CCND3: variants seen among roughly 807,000 people sequenced by gnomAD.
The protein encoded by CCND3 is cyclin D3.
In CCND3, 9 loss-of-function variants were observed where a neutral mutation model predicts 28.7. The ratio of observed to expected loss-of-function variants is 0.31; its 90% CI spans 0.19 to 0.55. The LOEUF (loss-of-function observed/expected upper bound fraction) is 0.55, where lower values mean the gene tolerates loss of function less well. Ranked by LOEUF, CCND3 falls within the 20% of genes least tolerant of loss-of-function variation. The probability of loss-of-function intolerance (pLI) is 0.93; values close to 1 mark genes in which losing one functional copy is unlikely to be tolerated. For synonymous variants in CCND3, 164 were observed against 163.9 expected, an observed-to-expected ratio of 1.00 and a Z score of 0.00; for missense variants, 315 against 385.8, an observed-to-expected ratio of 0.82 and a Z score of 1.54.
At chr6:41,951,665 G>A (rs1776322042) in intron 1 of CCND3, among the ~76,000 whole-genome samples, 1 of 151,814 alleles carries the variant, frequency 6.6e-6, no homozygotes, top group Non-Finnish European at 1.5e-5. Flanking sequence ...GGAGTAGTAT[G>A]TCCCCAGTGT....
chr6:41,938,176 T>C lies in CCND3; in HGVS notation c.415-782A>G, dbSNP rs1775870410. ...CCTACCCAAGCCTACCTGCCAGTAC[T>C]AGGTCTCGGGAGAAGGCTGGGAGCT... On this transcript the variant is annotated intron_variant, in intron 2 of 4. Coordinates refer to ENST00000372991, the MANE Select transcript of CCND3 (RefSeq NM_001760.5). This position sits in a 1 kb window ranked among gnomAD's most constrained non-coding sequence, Gnocchi z 4.6. 1 of 152,314 alleles carries C rather than the reference T, an allele frequency of 6.6e-6. No homozygotes were observed. The highest frequency in any genetic ancestry group is 2.4e-5 in the African/African-American group (1 of 41,446). 9.4% of individuals were successfully genotyped at this position (152,314 alleles called of 1,614,324 possible). A position where few individuals can be genotyped will look rare whatever the true frequency, so the allele number is the denominator to read the frequency against.
At chr6:41,989,894 T>C (rs1048581221) in intron 1 of CCND3, among the ~76,000 whole-genome samples, 8 of 152,152 alleles carry the variant, frequency 5.3e-5, no homozygotes, top group African/African-American at 1.9e-4. Flanking sequence ...AGTGGCTTTA[T>C]TCATAATTGT....
At chr6:42,001,502 A>G (rs940965281) in intron 1 of CCND3, among the ~76,000 whole-genome samples, 3 of 152,196 alleles carry the variant, frequency 2.0e-5, no homozygotes, top group African/African-American at 7.2e-5. Context: ...TTGATACTGC[A>G]TGATTCTTTT....
intron 1 of CCND3, among the ~76,000 whole-genome samples, chr6:42,026,666 G>A (rs1763884369): frequency 6.6e-6 from 1 of 152,150 alleles, no homozygotes; most frequent in Non-Finnish European, 1.5e-5. Flanking sequence ...GGTACTAGAA[G>A]CTCCACTATG....
intron 1 of CCND3, among the ~76,000 whole-genome samples, chr6:42,003,775 C>CA (rs1031865003): frequency 2.0e-5 from 3 of 150,906 alleles, no homozygotes; most frequent in Non-Finnish European, 3.0e-5. Flanking sequence ...CCCATCTCTA[C>CA]AAAAAACACA....
At chr6:42,030,278 C>T (rs575778987) in intron 1 of CCND3, 1 of 152,326 alleles carries the variant, frequency 6.6e-6, no homozygotes, top group East Asian at 1.9e-4. Flanking sequence ...ACAGAAATAT[C>T]TGCTCCTTCT....
At chr6:41,977,569 G>T (rs11754708) in intron 1 of CCND3, among the ~76,000 whole-genome samples, 6 of 152,054 alleles carry the variant, frequency 3.9e-5, no homozygotes, top group Non-Finnish European at 7.4e-5. Flanking sequence ...GTTTCACCAG[G>T]TTGGCCAGGC....
At chr6:41,964,502 G>A (rs561207393) in intron 1 of CCND3, among the ~76,000 whole-genome samples, 7 of 97,470 alleles carry the variant, frequency 7.2e-5, no homozygotes, top group Non-Finnish European at 1.6e-4. Flanking sequence ...GTGTGTGAGT[G>A]TGTGTGTGTG....
chr6:41,964,467 T>A (rs1761816284), intron 1 of CCND3, among the ~76,000 whole-genome samples: 1 of 131,966 alleles, frequency 7.6e-6, no homozygotes, highest in African/African-American at 3.3e-5. Flanking sequence ...TGTGTGAGTG[T>A]GTGTGTGAGT....
At position 41,935,886 on chromosome 6, in the gene CCND3, G is replaced by A. The variant is rs758167818; in HGVS notation, c.*54C>T. ...TGTGGTTCCTGGAGGCAGGGAGGTG[G>A]GTGGCAGCGGCCCCTCCTCTGCTTA... On this transcript the variant is annotated 3_prime_UTR_variant, in exon 5 of 5. Coordinates refer to ENST00000372991, the MANE Select transcript of CCND3 (RefSeq NM_001760.5). 39 of 1,510,216 alleles carry A rather than the reference G, an allele frequency of 2.6e-5. 1 individual carries two copies. In the South Asian group the frequency reaches 4.5e-4, roughly 17 times the overall value. The allele number at this position is 1,510,216 out of a possible 1,614,324, so 93.6% of individuals were successfully genotyped here. A position where few individuals can be genotyped will look rare whatever the true frequency, so the allele number is the denominator to read the frequency against.
chr6:42,020,299 A>G (rs1186444384), intron 1 of CCND3, among the ~76,000 whole-genome samples: 1 of 152,208 alleles, frequency 6.6e-6, no homozygotes, highest in Non-Finnish European at 1.5e-5. Flanking sequence ...AAGAAAAGAA[A>G]AAAGAAAAAC....
At chr6:42,037,833 C>A (rs946868872) in intron 1 of CCND3, among the ~76,000 whole-genome samples, 139 of 151,860 alleles carry the variant, frequency 9.2e-4, no homozygotes, top group African/African-American at 3.0e-3. Flanking sequence ...GAGTTCAAGA[C>A]TAGTCTGACC....
intron 1 of CCND3, among the ~76,000 whole-genome samples, chr6:41,963,947 T>C (rs937357230): frequency 6.6e-6 from 1 of 152,166 alleles, no homozygotes; most frequent in Non-Finnish European, 1.5e-5. Context: ...ACAGGGACTC[T>C]TCCCCCCACC....
At chr6:42,036,643 A>G (rs1348861621) in intron 1 of CCND3, among the ~76,000 whole-genome samples, 1 of 151,322 alleles carries the variant, frequency 6.6e-6, no homozygotes, top group East Asian at 1.9e-4. Flanking sequence ...GGCTCAAGTT[A>G]TCTGCCCGCC....
intron 1 of CCND3, among the ~76,000 whole-genome samples, chr6:41,987,271 T>G (rs1301317132): frequency 6.6e-6 from 1 of 152,042 alleles, no homozygotes; most frequent in Non-Finnish European, 1.5e-5. Flanking sequence ...TCCAAAGGCT[T>G]GTGGCATTGT....
chr6:41,958,573 G>C (rs753060509), intron 1 of CCND3, among the ~76,000 whole-genome samples: 16 of 152,142 alleles, frequency 1.1e-4, no homozygotes, highest in Non-Finnish European at 2.1e-4. Flanking sequence ...TCTCCTGGGG[G>C]AATTTAGATG....
At chr6:42,036,275 G>A (rs1764205488) in intron 1 of CCND3, among the ~76,000 whole-genome samples, 1 of 145,034 alleles carries the variant, frequency 6.9e-6, no homozygotes, top group Non-Finnish European at 1.5e-5. Flanking sequence ...TTACAGGTGT[G>A]AGCCACCATG....
chr6:41,951,226 A>C lies in CCND3; in HGVS notation c.-45-10641T>G, dbSNP rs188976494. 3.6e-3 allele frequency among the ~76,000 whole-genome samples: 542 copies of C among 151,640 alleles called. 2 individuals carry two copies. Among genetic ancestry groups the C allele is most frequent in the Non-Finnish European group, 6.2e-3 (423 of 67,902 alleles). On this transcript the variant is annotated intron_variant, in intron 1 of 4. Transcript: ENST00000372988. ...ATCACCTGAATTCCATGAAACAGCC[A>C]TGGTGAAAGAAATGGGATTGCAGGA...
At chr6:41,960,367 T>C (rs1019724491) in intron 1 of CCND3, among the ~76,000 whole-genome samples, 11 of 152,232 alleles carry the variant, frequency 7.2e-5, no homozygotes, top group African/African-American at 2.4e-4. Flanking sequence ...GATTGTACTT[T>C]CGATAGGTGA....
Sources: allele counts gnomAD v4.1 joint callset (sites outside exome capture counted in the v4.1 genomes callset), GRCh38; gene constraint gnomAD v4.1.1; non-coding constraint Gnocchi (gnomAD v3.1); transcripts MANE v1.5; gene names NCBI Gene and HGNC (gene_info 2026-07-23, HGNC 2026-07-21).